The following PKP2 variants were observed in gnomAD, a reference collection of about 807,000 sequenced individuals.
PKP2 encodes the protein plakophilin-2.
Under a neutral mutation model 83.4 loss-of-function variants are expected in PKP2, and 73 were observed. That is an observed-to-expected ratio of 0.88 (90% CI 0.72 to 1.06). The LOEUF (loss-of-function observed/expected upper bound fraction) is 1.06. Ranked by LOEUF, PKP2 falls within the 50% of genes least tolerant of loss-of-function variation. The pLI, the probability that PKP2 is intolerant of heterozygous loss-of-function variation, is 0.00. For synonymous variants in PKP2, 409 were observed against 430.4 expected, an observed-to-expected ratio of 0.95 and a Z score of 0.62; for missense variants, 966 against 1,065.4, an observed-to-expected ratio of 0.91 and a Z score of 1.30.
chr12:32,805,054 T>C (rs1956215556), intron 9 of PKP2, among the ~76,000 whole-genome samples: 1 of 152,176 alleles, frequency 6.6e-6, no homozygotes, highest in Non-Finnish European at 1.5e-5. Context: ...TAATGATCAG[T>C]GATGTTGAGC....
intron 6 of PKP2, among the ~76,000 whole-genome samples, chr12:32,840,046 A>G (rs1956576115): frequency 6.6e-6 from 1 of 152,148 alleles, no homozygotes; most frequent in African/African-American, 2.4e-5. Flanking sequence ...CACCTTTGAC[A>G]TCCTAGTTCG....
At chr12:32,888,436 G>A (rs373413634) in intron 1 of PKP2, among the ~76,000 whole-genome samples, 52 of 151,334 alleles carry the variant, frequency 3.4e-4, no homozygotes, top group Non-Finnish European at 5.2e-4. Context: ...TGCCTCTCAC[G>A]TGCCAGGGTT....
At chr12:32,838,015 A>G (rs1956557495) in intron 6 of PKP2, among the ~76,000 whole-genome samples, 1 of 152,234 alleles carries the variant, frequency 6.6e-6, no homozygotes, top group African/African-American at 2.4e-5. Flanking sequence ...TTGTTCTATC[A>G]AAAAGGCACA....
intron 9 of PKP2, among the ~76,000 whole-genome samples, chr12:32,808,522 T>G (rs1956246065): frequency 6.6e-6 from 1 of 152,218 alleles, no homozygotes. Context: ...GAAGCCTACT[T>G]CTGTCAACTC....
chr12:32,836,301 C>T (rs4931047), intron 6 of PKP2, among the ~76,000 whole-genome samples: 85,940 of 152,002 alleles, frequency 0.57, 25,820 homozygotes, highest in Non-Finnish European at 0.69. Context: ...ACATGCTCAT[C>T]CTAAAGACAA....
Position 32,896,558 on chromosome 12 carries a change from C to G in PKP2, c.174G>C (p.Glu58Asp). Reference sequence around the variant, plus strand: ...TCCGGGCGAGGGTCTGCTGCACCTGCTCCTGGATCCGCAGGCTCTTGACTG... The same window carrying G: ...TCCGGGCGAGGGTCTGCTGCACCTGGTCCTGGATCCGCAGGCTCTTGACTG... Reference protein sequence around the residue: ...GQTVKSLRIQEQVQQTLARKG... With the variant: ...GQTVKSLRIQDQVQQTLARKG... Residue 58 changes from glutamate to aspartate, a missense_variant, in exon 1 of 13, where the codon GAG (glutamate) becomes GAC (aspartate). Coordinates refer to ENST00000340811, the MANE Select transcript of PKP2 (RefSeq NM_001005242.3). 6.3e-7 allele frequency: 1 copy of G among 1,589,250 alleles called. No individual in the cohort carries two copies. The highest frequency in any genetic ancestry group is 8.5e-7 in the Non-Finnish European group (1 of 1,175,756).
rs534925569 is a variant in PKP2 at position 32,792,210 on chromosome 12, G to C, written c.*214C>G. On this transcript the variant is annotated 3_prime_UTR_variant, in exon 13 of 13. Transcript: ENST00000340811. ...CTAATAACAAAGACCACTATTTGTC[G>C]AGCCTGTGGCCGGTATCTACTGGTG... is the stretch of plus-strand genomic sequence containing the variant. 1.7e-6 allele frequency: 1 copy of C among 593,236 alleles called. No individual in the cohort carries two copies. Among genetic ancestry groups the C allele is most frequent in the African/African-American group, 1.9e-5 (1 of 53,526 alleles). The allele number at this position is 593,236 out of a possible 1,614,324, so 36.7% of individuals were successfully genotyped here.
chr12:32,867,430 G>A (rs1956859645), intron 4 of PKP2, among the ~76,000 whole-genome samples: 1 of 152,196 alleles, frequency 6.6e-6, no homozygotes, highest in Admixed American at 6.5e-5. Context: ...AGAAAACGCT[G>A]GAGGTAATGG....
intron 11 of PKP2, 129 bp downstream of exon 11, chr12:32,795,980 T>C (rs866332621): frequency 2.4e-6 from 2 of 840,568 alleles, no homozygotes. Flanking sequence ...TGATCTGGCC[T>C]GGCTTTACAT....
At chr12:32,851,529 C>T (rs542957055) in intron 4 of PKP2, among the ~76,000 whole-genome samples, 17 of 152,150 alleles carry the variant, frequency 1.1e-4, no homozygotes, top group Non-Finnish European at 1.9e-4. Context: ...AATGCAGTGG[C>T]GGGATGTCGG....
intron 5 of PKP2, among the ~76,000 whole-genome samples, chr12:32,842,268 C>T (rs539713514): frequency 7.4e-4 from 113 of 152,136 alleles, no homozygotes; most frequent in African/African-American, 2.6e-3. Flanking sequence ...GAGACTGCGT[C>T]TCACTCTATT....
At chr12:32,867,201 G>A (rs1012045969) in intron 4 of PKP2, among the ~76,000 whole-genome samples, 9 of 152,264 alleles carry the variant, frequency 5.9e-5, no homozygotes, top group Middle Eastern at 3.4e-3. Flanking sequence ...GGTTGTGTGC[G>A]CCTATGGTCC....
At chr12:32,894,665 T>C (rs1957105855) in intron 1 of PKP2, 1 of 152,196 alleles carries the variant, frequency 6.6e-6, no homozygotes. Flanking sequence ...AAGAGTTGTA[T>C]CTGCTTGCTC....
chr12:32,837,815 C>T (rs1956556241), intron 6 of PKP2, among the ~76,000 whole-genome samples: 1 of 152,162 alleles, frequency 6.6e-6, no homozygotes, highest in Admixed American at 6.5e-5. Context: ...TTTACCTTCA[C>T]AATACACCTT....
At chr12:32,848,197 C>T (rs1022717538) in intron 5 of PKP2, among the ~76,000 whole-genome samples, 4 of 152,130 alleles carry the variant, frequency 2.6e-5, no homozygotes, top group Admixed American at 1.3e-4. Flanking sequence ...CGGAGGCAGG[C>T]GGATCGCCTG....
At chr12:32,828,930 T>C (rs1193449292) in intron 6 of PKP2, among the ~76,000 whole-genome samples, 2 of 103,906 alleles carry the variant, frequency 1.9e-5, no homozygotes, top group East Asian at 2.0e-4. Flanking sequence ...AGGCAGAAAT[T>C]TTTTTTTGTT....
At chr12:32,886,159 G>A (rs963310293) in intron 1 of PKP2, among the ~76,000 whole-genome samples, 11 of 152,104 alleles carry the variant, frequency 7.2e-5, no homozygotes, top group African/African-American at 2.7e-4. Flanking sequence ...CTCACAGTGT[G>A]GATTCACGAT....
intron 4 of PKP2, among the ~76,000 whole-genome samples, chr12:32,862,225 G>A (rs924437494): frequency 6.6e-6 from 1 of 152,180 alleles, no homozygotes; most frequent in African/African-American, 2.4e-5. Context: ...TTTAGAAACT[G>A]TTAACCTGGA....
chr12:32,830,991 T>G (rs1956496087), intron 6 of PKP2, among the ~76,000 whole-genome samples: 1 of 152,132 alleles, frequency 6.6e-6, no homozygotes, highest in Admixed American at 6.5e-5. Flanking sequence ...CAGCCAGTAA[T>G]CATCTGGCTG....
Sources: allele counts gnomAD v4.1 joint callset (sites outside exome capture counted in the v4.1 genomes callset), GRCh38; gene constraint gnomAD v4.1.1; transcripts MANE v1.5; gene names NCBI Gene and HGNC (gene_info 2026-07-23, HGNC 2026-07-21).